The following STXBP5L variants were observed in gnomAD, a reference collection of about 807,000 sequenced individuals.
STXBP5L encodes syntaxin-binding protein 5-like.
Under a neutral mutation model 144.5 loss-of-function variants are expected in STXBP5L, and 65 were observed. The observed-to-expected ratio is 0.45, with a 90% confidence interval of 0.37 to 0.55. The LOEUF (loss-of-function observed/expected upper bound fraction) is 0.55. Among genes scored for constraint, STXBP5L ranks in the 20% least tolerant of loss-of-function variants. The pLI, the probability that STXBP5L is intolerant of heterozygous loss-of-function variation, is 0.00. For missense variants in STXBP5L, 1,298 were observed against 1,405.5 expected, an observed-to-expected ratio of 0.92 and a Z score of 1.22; for synonymous variants, 505 against 469.6, an observed-to-expected ratio of 1.08 and a Z score of -0.97.
chr3:121,325,055 A>G (rs140399509), intron 20 of STXBP5L, among the ~76,000 whole-genome samples: 165 of 152,168 alleles, frequency 1.1e-3, no homozygotes, highest in Middle Eastern at 3.4e-3. Flanking sequence ...AAAACAGTAA[A>G]TGGAAAGGAA....
intron 9 of STXBP5L, among the ~76,000 whole-genome samples, chr3:121,174,344 G>A (rs1245933979): frequency 2.0e-5 from 3 of 151,976 alleles, no homozygotes; most frequent in Admixed American, 6.6e-5. Context: ...CATATTCATG[G>A]CATAGCTTTT....
At chr3:120,973,364 C>A (rs1342913162) in intron 3 of STXBP5L, among the ~76,000 whole-genome samples, 3 of 151,822 alleles carry the variant, frequency 2.0e-5, no homozygotes, top group Non-Finnish European at 2.9e-5. Context: ...TGTAGAGGTG[C>A]TCATAATGGT....
At chr3:121,106,121 A>G (rs2043690065) in intron 5 of STXBP5L, among the ~76,000 whole-genome samples, 1 of 151,978 alleles carries the variant, frequency 6.6e-6, no homozygotes, top group Non-Finnish European at 1.5e-5. Context: ...CCTTCTTTGG[A>G]GTCTATAGAA....
chr3:120,965,689 C>G (rs1322541641), intron 3 of STXBP5L, among the ~76,000 whole-genome samples: 1 of 152,172 alleles, frequency 6.6e-6, no homozygotes, highest in Non-Finnish European at 1.5e-5. Flanking sequence ...CTTGACCTTT[C>G]TCTCTGGCTG....
intron 10 of STXBP5L, among the ~76,000 whole-genome samples, chr3:121,211,578 C>CTTTTTTTTTTTTT (rs1188424283): frequency 1.8e-4 from 20 of 110,264 alleles, no homozygotes; most frequent in African/African-American, 2.5e-4. Flanking sequence ...TTTTTTCTTT[C>CTTTTTTTTTTTTT]TTTTTTTTTT....
At chr3:121,169,419 A>G (rs1267000805) in intron 9 of STXBP5L, among the ~76,000 whole-genome samples, 1 of 152,232 alleles carries the variant, frequency 6.6e-6, no homozygotes, top group Non-Finnish European at 1.5e-5. Context: ...ATAAAGACCT[A>G]TCAGTGTGCT....
intron 9 of STXBP5L, among the ~76,000 whole-genome samples, chr3:121,197,871 G>A (rs985508457): frequency 8.5e-5 from 13 of 152,186 alleles, no homozygotes; most frequent in Middle Eastern, 3.4e-3. Flanking sequence ...TATATGTGCC[G>A]CATTTTCTTA....
At chr3:121,302,758 C>A (rs2051972516) in intron 19 of STXBP5L, among the ~76,000 whole-genome samples, 2 of 152,070 alleles carry the variant, frequency 1.3e-5, no homozygotes, top group African/African-American at 4.8e-5. Flanking sequence ...TTTGACAAAC[C>A]TGACAAAAAT....
intron 20 of STXBP5L, among the ~76,000 whole-genome samples, chr3:121,348,200 A>G (rs546091999): frequency 3.9e-5 from 6 of 152,238 alleles, no homozygotes; most frequent in East Asian, 1.9e-4. Flanking sequence ...CCTTTTCTGC[A>G]TCTATTGAGA....
intron 19 of STXBP5L, among the ~76,000 whole-genome samples, chr3:121,303,730 G>A (rs338964): frequency 0.015 from 2,226 of 152,198 alleles, 24 homozygotes; most frequent in Non-Finnish European, 0.022. Flanking sequence ...CCTTTGTAGG[G>A]ACATGGATGA....
chr3:121,106,732 G>C (rs1179288415), intron 5 of STXBP5L, among the ~76,000 whole-genome samples: 2 of 152,130 alleles, frequency 1.3e-5, no homozygotes, highest in African/African-American at 2.4e-5. Context: ...ATGATAGAAT[G>C]ATTTATATTC....
intron 3 of STXBP5L, among the ~76,000 whole-genome samples, chr3:121,030,744 A>G (rs1049298334): frequency 5.3e-5 from 8 of 152,104 alleles, no homozygotes; most frequent in Non-Finnish European, 1.0e-4. Flanking sequence ...TTCTCAGTGT[A>G]GGGCTCAGCC....
intron 15 of STXBP5L, among the ~76,000 whole-genome samples, chr3:121,251,691 T>C (rs2050030674): frequency 6.6e-6 from 1 of 152,156 alleles, no homozygotes; most frequent in South Asian, 2.1e-4. Flanking sequence ...TGGAAACCAA[T>C]GAAGAAGCAG....
rs1394724687 is a variant in STXBP5L at position 121,217,485 on chromosome 3, C to A, written c.957-5518C>A. Among the ~76,000 whole-genome samples, 2 of 152,132 alleles carry A rather than the reference C, an allele frequency of 1.3e-5. 1 individual carries two copies. The highest frequency in any genetic ancestry group is 2.9e-5 in the Non-Finnish European group (2 of 68,022). ...CCGGGTGAGGTGATGCCCCACCCTG[C>A]TTCTGCTCACCCTCCGTGGTCTGCA... On this transcript the variant is annotated intron_variant, in intron 10 of 26. Transcript: ENST00000471454.
intron 9 of STXBP5L, among the ~76,000 whole-genome samples, chr3:121,172,224 A>C (rs1172537070): frequency 6.6e-6 from 1 of 152,244 alleles, no homozygotes; most frequent in Non-Finnish European, 1.5e-5. Context: ...ACCTAAAACC[A>C]TAAAAACCCT....
intron 3 of STXBP5L, among the ~76,000 whole-genome samples, chr3:120,983,431 G>A (rs1000448514): frequency 6.6e-6 from 1 of 152,038 alleles, no homozygotes; most frequent in Non-Finnish European, 1.5e-5. Flanking sequence ...AGGTGTTTGA[G>A]TGCCCTGCTT....
chr3:121,108,743 C>G (rs1285004130), intron 5 of STXBP5L, among the ~76,000 whole-genome samples: 4 of 151,954 alleles, frequency 2.6e-5, no homozygotes, highest in Admixed American at 1.3e-4. Flanking sequence ...GATTGATGCA[C>G]TAGTCCTTCC....
At chr3:121,402,224 G>C (rs544990862) in intron 22 of STXBP5L, among the ~76,000 whole-genome samples, 1 of 152,262 alleles carries the variant, frequency 6.6e-6, no homozygotes, top group African/African-American at 2.4e-5. Context: ...AATAAGCACT[G>C]AAGATAAAGT....
chr3:120,948,666 A>G (rs1711005103), intron 2 of STXBP5L, among the ~76,000 whole-genome samples: 1 of 151,904 alleles, frequency 6.6e-6, no homozygotes, highest in Admixed American at 6.6e-5. Flanking sequence ...TTGGTTTTTC[A>G]TTCCTGAGTT....
Sources: allele counts gnomAD v4.1 joint callset (sites outside exome capture counted in the v4.1 genomes callset), GRCh38; gene constraint gnomAD v4.1.1; transcripts MANE v1.5; gene names NCBI Gene and HGNC (gene_info 2026-07-23, HGNC 2026-07-21).